CACNA1C: variants seen among roughly 807,000 people sequenced by gnomAD.
CACNA1C encodes calcium voltage-gated channel subunit alpha1 C.
CACNA1C carries 30 observed loss-of-function variants against 229.0 expected under a neutral mutation model. The observed-to-expected ratio is 0.13, with a 90% confidence interval of 0.10 to 0.18. CACNA1C has a LOEUF of 0.18. Ranked by LOEUF, CACNA1C falls within the 10% of genes least tolerant of loss-of-function variation. The pLI is 1.00. For synonymous variants in CACNA1C, 1,114 were observed against 1,132.5 expected, an observed-to-expected ratio of 0.98 and a Z score of 0.33; for missense variants, 1,658 against 2,845.0, an observed-to-expected ratio of 0.58 and a Z score of 9.49.
intron 3 of CACNA1C, among the ~76,000 whole-genome samples, chr12:2,277,348 CAGACAGACAG>C (rs2088888255): frequency 2.6e-5 from 2 of 77,764 alleles, no homozygotes; most frequent in African/African-American, 1.2e-4. Context: ...GACAGACAGA[CAGACAGACAG>C]ACAGACACAC....
At chr12:2,075,114 A>T (rs2062719651) in intron 1 of CACNA1C, among the ~76,000 whole-genome samples, 1 of 152,212 alleles carries the variant, frequency 6.6e-6, no homozygotes, top group South Asian at 2.1e-4. Context: ...ATGACAGCCA[A>T]CATCTTTTCA....
At chr12:2,032,816 T>A (rs1164353989) in intron 1 of CACNA1C, among the ~76,000 whole-genome samples, 1 of 152,224 alleles carries the variant, frequency 6.6e-6, no homozygotes, top group African/African-American at 2.4e-5. Context: ...GTAGAGAACA[T>A]GAATGCGGCT....
At chr12:2,582,677 A>G in intron 14 of CACNA1C, 145 bp from the exon 15 acceptor site, 1 of 752,830 alleles carries the variant, frequency 1.3e-6, no homozygotes, top group Non-Finnish European at 2.2e-6. Context: ...GCCCCTGGGG[A>G]GGAGAATTGG....
At chr12:2,277,406 C>A (rs1321313745) in intron 3 of CACNA1C, among the ~76,000 whole-genome samples, 1 of 141,318 alleles carries the variant, frequency 7.1e-6, no homozygotes, top group Non-Finnish European at 1.6e-5. Context: ...CACACACACA[C>A]ACACACACAC....
chr12:2,004,655 A>G, intron 1 of CACNA1C: 1 of 601,658 alleles, frequency 1.7e-6, no homozygotes, highest in Admixed American at 3.3e-5. Context: ...GGCAACGACA[A>G]GCCCAGGCCT....
intron 1 of CACNA1C, among the ~76,000 whole-genome samples, chr12:2,042,553 G>C (rs2050298510): frequency 6.6e-6 from 1 of 152,142 alleles, no homozygotes; most frequent in Non-Finnish European, 1.5e-5. Context: ...ATGTCTCCTT[G>C]TCTGGGCACC....
Position 2,152,375 on chromosome 12 carries a change from C to CGTGT in CACNA1C, c.477+31947_477+31950dup, listed in dbSNP as rs760660679. 1.3e-5 allele frequency among the ~76,000 whole-genome samples: 2 copies of CGTGT among 152,214 alleles called. No individual in the cohort carries two copies. Among genetic ancestry groups the CGTGT allele is most frequent in the Non-Finnish European group, 2.9e-5 (2 of 68,036 alleles). On this transcript the variant is annotated intron_variant, in intron 3 of 46. Transcript: ENST00000399655. The surrounding 1 kb of genome is among the most constrained non-coding windows in gnomAD (Gnocchi z 4.2). ...TAGTAGGATGTCAGCAGAGGTGATG[C>CGTGT]GTGTGACTTCCGGTGTGTGCCCTTG...
At chr12:2,554,320 C>A (rs1016802791) in intron 10 of CACNA1C, among the ~76,000 whole-genome samples, 1 of 152,140 alleles carries the variant, frequency 6.6e-6, no homozygotes, top group African/African-American at 2.4e-5. Context: ...TCAGTTCCTA[C>A]CCAGTGGATC....
chr12:2,026,473 A>G (rs2047345933), intron 1 of CACNA1C, among the ~76,000 whole-genome samples: 1 of 152,218 alleles, frequency 6.6e-6, no homozygotes, highest in African/African-American at 2.4e-5. Flanking sequence ...CAATGACACC[A>G]GCAAAGGTGA....
intron 3 of CACNA1C, among the ~76,000 whole-genome samples, chr12:2,196,851 C>T (rs1018657532): frequency 8.5e-5 from 13 of 152,182 alleles, no homozygotes; most frequent in Non-Finnish European, 1.5e-4. Context: ...TGCAGCCACA[C>T]GACCTCCTGA....
chr12:2,543,783 G>C (rs950086542), intron 9 of CACNA1C, among the ~76,000 whole-genome samples: 2 of 152,156 alleles, frequency 1.3e-5, no homozygotes, highest in South Asian at 4.1e-4. Flanking sequence ...TGAAAGACCA[G>C]CCCTGGTCAA....
intron 3 of CACNA1C, among the ~76,000 whole-genome samples, chr12:2,198,587 G>T (rs2097489995): frequency 6.6e-6 from 1 of 152,166 alleles, no homozygotes; most frequent in African/African-American, 2.4e-5. Context: ...AACCAGGCTT[G>T]GAGGAAAAGG....
At position 2,493,283 on chromosome 12, in the gene CACNA1C, A is replaced by G; in HGVS notation, c.1010A>G (p.Asp337Gly). The change falls in exon 7 of 47, where the codon GAT becomes GGT. Residue 337 changes from aspartate to glycine, a missense_variant. Physicochemically the swap from Asp to Gly is moderately conservative, Grantham distance 94 (BLOSUM62 -1). This residue lies in a region of CACNA1C where 84 missense variants were observed against 202.6 expected (regional missense o/e 0.41). Coordinates refer to ENST00000399655, the MANE Select transcript of CACNA1C (RefSeq NM_000719.7). This position sits in a 1 kb window ranked among gnomAD's most constrained non-coding sequence, Gnocchi z 4.6. ...QNGTVCKPGW[D>G]GPKHGITNFD... is the part of the protein sequence containing the mutation. ...GGCACGGTGTGCAAGCCCGGCTGGGATGGTCCCAAGCACGGCATCACCAAC... is the reference window on the plus strand; with the variant it reads ...GGCACGGTGTGCAAGCCCGGCTGGGGTGGTCCCAAGCACGGCATCACCAAC... 6.2e-7 allele frequency: 1 copy of G among 1,613,988 alleles called. No individual in the cohort carries two copies. Among genetic ancestry groups the G allele is most frequent in the Non-Finnish European group, 8.5e-7 (1 of 1,179,886 alleles).
At chr12:2,292,811 T>C (rs1015323646) in intron 3 of CACNA1C, among the ~76,000 whole-genome samples, 1 of 152,160 alleles carries the variant, frequency 6.6e-6, no homozygotes, top group African/African-American at 2.4e-5. Flanking sequence ...GATGTGGCTG[T>C]AGTGTCTCTT....
chr12:2,075,307 G>T (rs1330672240), intron 1 of CACNA1C, among the ~76,000 whole-genome samples: 1 of 152,170 alleles, frequency 6.6e-6, no homozygotes, highest in Non-Finnish European at 1.5e-5. Flanking sequence ...TCAGCTCCTG[G>T]TGGGCACTAA....
chr12:2,549,876 A>G (rs1222619036), intron 9 of CACNA1C, 67 bp from the exon 10 acceptor site: 7 of 1,162,076 alleles, frequency 6.0e-6, no homozygotes, highest in African/African-American at 1.7e-5. Flanking sequence ...GTTGCAAACT[A>G]CTGCTCTTCT....
chr12:2,633,759 C>G lies in CACNA1C; in HGVS notation c.3829-538C>G, dbSNP rs1304663782. The G allele has an allele frequency of 2.0e-6, 2 of 980,828 alleles. No homozygotes were observed. Among genetic ancestry groups the G allele is most frequent in the Non-Finnish European group, 3.3e-6 (2 of 606,204 alleles). 60.8% of individuals were successfully genotyped at this position (980,828 alleles called of 1,614,324 possible). On this transcript the variant is annotated intron_variant, in intron 29 of 46. Transcript: ENST00000399655. The surrounding 1 kb of genome is among the most constrained non-coding windows in gnomAD (Gnocchi z 5.8). ...CCAGGAAACCTCCTCATTCCTCCTC[C>G]TCTGCCTCGTCTATTTCTCTCTCTC...
intron 6 of CACNA1C, among the ~76,000 whole-genome samples, chr12:2,487,281 T>A (rs1436505654): frequency 2.0e-5 from 3 of 151,706 alleles, no homozygotes; most frequent in Non-Finnish European, 1.5e-5. Flanking sequence ...CAGTGAAGGA[T>A]ACCTAATTTT....
Position 2,630,538 on chromosome 12 carries a change from G to A in CACNA1C, c.3829-3759G>A, listed in dbSNP as rs11062287. On this transcript the variant is annotated intron_variant, in intron 29 of 46. Transcript: ENST00000399655. The surrounding 1 kb of genome is among the most constrained non-coding windows in gnomAD (Gnocchi z 5.4). ...GGGAGGAGGGGACAAAGGGGCAATGGGGATGGAGGCCTGAAAGCTGGCCCT... is the reference window on the plus strand; with the variant it reads ...GGGAGGAGGGGACAAAGGGGCAATGAGGATGGAGGCCTGAAAGCTGGCCCT... Among the ~76,000 whole-genome samples the A allele has an allele frequency of 0.024, 3,649 of 152,188 alleles. 66 individuals carry two copies. Among genetic ancestry groups the A allele is most frequent in the Non-Finnish European group, 0.037 (2,549 of 67,998 alleles).
Sources: gnomAD v4.1 joint callset for allele counts (sites outside exome capture counted in the v4.1 genomes callset) on GRCh38, gnomAD v4.1.1 for gene constraint, gnomAD v4.1.1 regional missense constraint, Gnocchi (gnomAD v3.1) non-coding constraint, MANE v1.5 for transcripts, NCBI Gene and HGNC (gene_info 2026-07-23, HGNC 2026-07-21) for gene names.